The following SEPHS1 variants were observed in gnomAD, a reference collection of about 807,000 sequenced individuals.
SEPHS1 encodes the protein zincore component SEPHS1.
Under a neutral mutation model 39.2 loss-of-function variants are expected in SEPHS1, and 7 were observed. The ratio of observed to expected loss-of-function variants is 0.18; its 90% CI spans 0.10 to 0.34. The LOEUF (loss-of-function observed/expected upper bound fraction) is 0.34. Ranked by LOEUF, SEPHS1 falls within the 10% of genes least tolerant of loss-of-function variation. SEPHS1 has a pLI of 1.00. For missense variants in SEPHS1, 253 were observed against 514.5 expected, an observed-to-expected ratio of 0.49 and a Z score of 4.92; for synonymous variants, 190 against 195.5, an observed-to-expected ratio of 0.97 and a Z score of 0.23.
In SEPHS1 at chr10:13,333,642, C is replaced by T. The variant is rs552756447; in HGVS notation, c.560+175G>A. On this transcript the variant is annotated intron_variant, in intron 5 of 8. Coordinates refer to ENST00000327347, the MANE Select transcript of SEPHS1 (RefSeq NM_012247.5). ...TTTTAGTAGAGACAGGGTTTCGCCA[C>T]ATTGGCCAGGCTGGTCTCAAACTCC... 6.1e-3 allele frequency among the ~76,000 whole-genome samples: 918 copies of T among 150,296 alleles called. 9 individuals carry two copies. The highest frequency in any genetic ancestry group is 0.021 in the African/African-American group (871 of 40,868).
rs537665746 is a variant in SEPHS1 at position 13,322,713 on chromosome 10, C to T, written c.964+122G>A. ...GAAAGGCACCAGCTGCTGCGGAGGC[C>T]GAGGTCAGCAGCATGGAACTCGAAC... On this transcript the variant is annotated intron_variant, in intron 8 of 8. Transcript: ENST00000327347. The T allele has an allele frequency of 4.4e-5, 39 of 895,634 alleles. No individual in the cohort carries two copies. The African/African-American group carries it at 5.8e-4, about 13-fold the overall frequency. The allele number at this position is 895,634 out of a possible 1,614,324, so 55.5% of individuals were successfully genotyped here. A position where few individuals can be genotyped will look rare whatever the true frequency, so the allele number is the denominator to read the frequency against.
chr10:13,327,739 C>G (rs116288882), intron 7 of SEPHS1, among the ~76,000 whole-genome samples: 17 of 152,194 alleles, frequency 1.1e-4, no homozygotes, highest in African/African-American at 4.1e-4. Flanking sequence ...TAGCAGTCGC[C>G]CCAGTGTGAA....
intron 7 of SEPHS1, among the ~76,000 whole-genome samples, chr10:13,327,592 A>T (rs1833342582): frequency 6.6e-6 from 1 of 152,240 alleles, no homozygotes; most frequent in Non-Finnish European, 1.5e-5. Flanking sequence ...AAGACATATT[A>T]AAAAACGCTT....
chr10:13,333,679 G>C (rs1399212692), intron 5 of SEPHS1, 138 bp downstream of exon 5: 2 of 791,396 alleles, frequency 2.5e-6, no homozygotes, highest in East Asian at 2.8e-5. Context: ...GACCTCAGGT[G>C]ATCTGCCCGC....
intron 6 of SEPHS1, 46 bp from the exon 7 acceptor site, chr10:13,328,496 G>C: frequency 7.5e-7 from 1 of 1,329,496 alleles, no homozygotes; most frequent in Non-Finnish European, 1.1e-6. Context: ...AGGAAAATGT[G>C]ATTAATCTTT....
Position 13,328,397 on chromosome 10 carries a change from C to A in SEPHS1, c.705G>T (p.Leu235=). 6.2e-7 allele frequency: 1 copy of A among 1,614,000 alleles called. No individual in the cohort carries two copies. Among genetic ancestry groups the A allele is most frequent in the South Asian group, 1.1e-5 (1 of 91,076 alleles). The change falls in exon 7 of 9, where the codon CTG becomes CTT. Residue 235 remains leucine (L), a synonymous_variant. Coordinates refer to ENST00000327347, the MANE Select transcript of SEPHS1 (RefSeq NM_012247.5). ...TGTTCATCATCGCCTCCTGGTAGGC[C>A]AGCTCTACATCTTCTTGGGTGACCA... ...KLVVTQEDVE[L]AYQEAMMNMA...
chr10:13,346,872 G>A (rs1361823687), intron 1 of SEPHS1, among the ~76,000 whole-genome samples: 2 of 152,118 alleles, frequency 1.3e-5, no homozygotes, highest in Non-Finnish European at 2.9e-5. Context: ...GAGTTTTAAG[G>A]GTGGAAAAAA....
At chr10:13,321,201 C>T (rs371292145) in intron 8 of SEPHS1, among the ~76,000 whole-genome samples, 27 of 152,086 alleles carry the variant, frequency 1.8e-4, no homozygotes, top group African/African-American at 5.3e-4. Context: ...CAGGCCCACC[C>T]GAGATGGATC....
rs548615639 is a variant in SEPHS1 at position 13,334,976 on chromosome 10, G to A, written c.406-1005C>T. Among the ~76,000 whole-genome samples, 472 of 152,234 alleles carry A rather than the reference G, an allele frequency of 3.1e-3. 1 individual carries two copies. Among genetic ancestry groups the A allele is most frequent in the South Asian group, 0.013 (61 of 4,818 alleles). ...CTACCAAGGCTTGGCTGCAGGCTAC[G>A]AGTAACCCACACTGACAGAGCCTGC... On this transcript the variant is annotated intron_variant, in intron 4 of 8. Transcript: ENST00000327347.
At chr10:13,325,314 G>T in intron 7 of SEPHS1, among the ~76,000 whole-genome samples, 1 of 152,072 alleles carries the variant, frequency 6.6e-6, no homozygotes, top group East Asian at 1.9e-4. Flanking sequence ...CATCAATATG[G>T]TCTGGCTCTG....
chr10:13,343,757 T>C (rs1000352831), intron 2 of SEPHS1, among the ~76,000 whole-genome samples: 2 of 151,994 alleles, frequency 1.3e-5, no homozygotes, highest in South Asian at 2.1e-4. Flanking sequence ...GAGGTTGCAG[T>C]GAGCCAAGAT....
At chr10:13,323,583 G>C (rs1160788150) in intron 7 of SEPHS1, among the ~76,000 whole-genome samples, 1 of 151,878 alleles carries the variant, frequency 6.6e-6, no homozygotes, top group Non-Finnish European at 1.5e-5. Flanking sequence ...TTGAACTCCT[G>C]ACCTCATGAT....
chr10:13,320,408 C>T (rs1033220741), intron 8 of SEPHS1, among the ~76,000 whole-genome samples: 2 of 151,766 alleles, frequency 1.3e-5, no homozygotes, highest in African/African-American at 4.8e-5. Context: ...GTCTCGATCT[C>T]CTGACCTCGT....
At chr10:13,338,680 CA>C in intron 3 of SEPHS1, 24 bp downstream of exon 3, 1 of 1,583,662 alleles carries the variant, frequency 6.3e-7, no homozygotes, top group Non-Finnish European at 8.7e-7. Flanking sequence ...CTTCCAGTCA[CA>C]AAAACACATC....
chr10:13,332,761 T>C (rs964932178), intron 5 of SEPHS1, among the ~76,000 whole-genome samples: 4 of 151,390 alleles, frequency 2.6e-5, no homozygotes, highest in African/African-American at 9.7e-5. Flanking sequence ...GAGAATGGCA[T>C]GAACCCGGGA....
rs2130711478 is a variant in SEPHS1, at chr10:13,348,103, A to G, written c.-182T>C. 1 of 143,708 alleles carries G rather than the reference A, an allele frequency of 7.0e-6. No individual in the cohort carries two copies. The highest frequency in any genetic ancestry group is 2.5e-5 in the African/African-American group (1 of 39,720). 8.9% of individuals were successfully genotyped at this position (143,708 alleles called of 1,614,324 possible). ...TCCCTTAAGCGTCGCCTGAATAAAA[A>G]TGCCGCGCCCGGCGGCGGCGGCGGC... On this transcript the variant is annotated 5_prime_UTR_variant, in exon 1 of 9. Coordinates refer to ENST00000327347, the MANE Select transcript of SEPHS1 (RefSeq NM_012247.5).
intron 4 of SEPHS1, 136 bp from the exon 5 acceptor site, chr10:13,334,107 G>T: frequency 1.3e-6 from 1 of 750,056 alleles, no homozygotes; most frequent in Non-Finnish European, 2.1e-6. Flanking sequence ...GACAGGGAAG[G>T]TTGTTAGGGG....
Position 13,341,461 on chromosome 10 carries a change from G to A in SEPHS1, c.194-2653C>T, listed in dbSNP as rs569106740. Among the ~76,000 whole-genome samples the A allele has an allele frequency of 5.3e-4, 37 of 69,892 alleles. No homozygotes were observed. The East Asian group carries it at 0.022, about 42-fold the overall frequency. 45.9% of individuals were successfully genotyped at this position (69,892 alleles called of 152,430 possible). On this transcript the variant is annotated intron_variant, in intron 2 of 8. Transcript: ENST00000327347. ...CACCCCCAACCCCTGCACCGCCCCC[G>A]CCAGCAGCAGCAATCATTACTTGAT...
chr10:13,324,407 G>A lies in SEPHS1; in HGVS notation c.752-1360C>T, dbSNP rs1370759134. ...ATGCTGCTATGAACATTTGTCTGCA[G>A]GCTTTTGTGTGAATGTAAGTTTTCA... On this transcript the variant is annotated intron_variant, in intron 7 of 8. Transcript: ENST00000327347. Among the ~76,000 whole-genome samples, 3 of 152,204 alleles carry A rather than the reference G, an allele frequency of 2.0e-5. No homozygotes were observed. In the East Asian group the frequency reaches 5.8e-4, roughly 29 times the overall value.
Sources: gnomAD v4.1 joint callset for allele counts (sites outside exome capture counted in the v4.1 genomes callset) on GRCh38, gnomAD v4.1.1 for gene constraint, MANE v1.5 for transcripts, NCBI Gene and HGNC (gene_info 2026-07-23, HGNC 2026-07-21) for gene names.